The following PCDH11Y variants were observed in gnomAD, a reference collection of about 807,000 sequenced individuals.
The protein encoded by PCDH11Y is protocadherin-11 Y-linked.
For synonymous variants in PCDH11Y, 9 were observed against 83.6 expected, an observed-to-expected ratio of 0.11 and a Z score of 4.87; for missense variants, 12 against 224.8, an observed-to-expected ratio of 0.05 and a Z score of 6.05.
rs1569344322 is a variant in PCDH11Y, at chrY:5,388,241, C to G, written c.3130-112816C>G. Among the ~76,000 whole-genome samples the G allele has an allele frequency of 1.9e-4, 6 of 31,479 alleles. No homozygotes were observed. The East Asian group carries it at 4.3e-3, about 22-fold the overall frequency. 84.5% of individuals were successfully genotyped at this position (31,479 alleles called of 37,273 possible). A position where few individuals can be genotyped will look rare whatever the true frequency, so the allele number is the denominator to read the frequency against. On this transcript the variant is annotated intron_variant, in intron 2 of 4. Transcript: ENST00000400457. ...AAAGTTCAGCTGGAGGTTTCCTTCT[C>G]CCTGTGGTCTTTTCCCAGTTCCTCT...
chrY:5,707,720 T>C, intron 4 of PCDH11Y, among the ~76,000 whole-genome samples: 1 of 30,760 alleles, frequency 3.3e-5, no homozygotes. Context: ...ATTTAGAAAA[T>C]AGCCTCAAAA....
At chrY:5,320,180 C>A in intron 2 of PCDH11Y, among the ~76,000 whole-genome samples, 1 of 33,239 alleles carries the variant, frequency 3.0e-5, no homozygotes, top group Non-Finnish European at 7.4e-5. Context: ...ATAAAAAATT[C>A]TAATTCAGGC....
intron 2 of PCDH11Y, among the ~76,000 whole-genome samples, chrY:5,476,123 A>G: frequency 3.1e-5 from 1 of 32,327 alleles, no homozygotes; most frequent in South Asian, 6.9e-4. Flanking sequence ...TTATGAAAGA[A>G]TATTTTTATT....
At chrY:5,619,138 A>C in intron 4 of PCDH11Y, among the ~76,000 whole-genome samples, 1 of 32,659 alleles carries the variant, frequency 3.1e-5, no homozygotes, top group Non-Finnish European at 7.5e-5. Context: ...AGTTCTGGTC[A>C]CTGTACTGTA....
chrY:5,145,559 G>A, intron 2 of PCDH11Y, among the ~76,000 whole-genome samples: 3 of 32,849 alleles, frequency 9.1e-5, no homozygotes, highest in African/African-American at 3.6e-4. Context: ...AAGAGTGTTT[G>A]TTCCTTAATA....
intron 2 of PCDH11Y, among the ~76,000 whole-genome samples, chrY:5,349,951 G>C: frequency 8.9e-5 from 3 of 33,711 alleles, no homozygotes; most frequent in Admixed American, 8.2e-4. Context: ...AACACAAATG[G>C]GAGAGTTTTG....
chrY:5,378,750 T>C (rs2053201688), intron 2 of PCDH11Y, among the ~76,000 whole-genome samples: 2 of 33,092 alleles, frequency 6.0e-5, no homozygotes, highest in South Asian at 1.3e-3. Context: ...CCAATGCTAA[T>C]TCTAAGGAAA....
intron 4 of PCDH11Y, among the ~76,000 whole-genome samples, chrY:5,667,561 A>C: frequency 3.2e-5 from 1 of 31,473 alleles, no homozygotes. Context: ...CTCCTGGCTA[A>C]TTTTTGTAGT....
At chrY:5,582,839 G>T (rs2053451888) in intron 4 of PCDH11Y, among the ~76,000 whole-genome samples, 1 of 32,671 alleles carries the variant, frequency 3.1e-5, no homozygotes, top group Non-Finnish European at 7.6e-5. Context: ...CAGTTCTAAT[G>T]TCCATGATAC....
intron 2 of PCDH11Y, among the ~76,000 whole-genome samples, chrY:5,345,669 C>CT (rs1387417499): frequency 1.9e-3 from 53 of 27,380 alleles, no homozygotes; most frequent in South Asian, 7.7e-3. Flanking sequence ...TATCTTTTTT[C>CT]TTTTTTTTTT....
intron 2 of PCDH11Y, among the ~76,000 whole-genome samples, chrY:5,162,604 T>C (rs2124644537): frequency 3.0e-5 from 1 of 32,819 alleles, no homozygotes; most frequent in South Asian, 6.8e-4. Context: ...AATGTTATTG[T>C]AATTGTGTTT....
intron 4 of PCDH11Y, among the ~76,000 whole-genome samples, chrY:5,664,408 C>A: frequency 3.1e-5 from 1 of 32,250 alleles, no homozygotes; most frequent in South Asian, 6.9e-4. Context: ...GGCATAAAAA[C>A]TAGGGAGGCA....
chrY:5,429,346 A>G, intron 2 of PCDH11Y, among the ~76,000 whole-genome samples: 1 of 33,478 alleles, frequency 3.0e-5, no homozygotes, highest in Non-Finnish European at 7.4e-5. Context: ...CACATACTCT[A>G]TGTCTTATTA....
intron 2 of PCDH11Y, among the ~76,000 whole-genome samples, chrY:5,264,357 A>G: frequency 3.0e-5 from 1 of 33,319 alleles, no homozygotes; most frequent in Non-Finnish European, 7.5e-5. Flanking sequence ...GGAGTCTTTC[A>G]TCACAGCCAC....
At chrY:5,360,618 G>A in intron 2 of PCDH11Y, among the ~76,000 whole-genome samples, 1 of 32,863 alleles carries the variant, frequency 3.0e-5, no homozygotes, top group Admixed American at 2.9e-4. Flanking sequence ...GTTTTCATTT[G>A]CAAATTACAA....
chrY:5,045,965 G>A (rs1602848345), intron 3 of PCDH11Y, among the ~76,000 whole-genome samples: 388 of 33,166 alleles, frequency 0.012, no homozygotes, highest in African/African-American at 0.043. Flanking sequence ...AGCTCCGTCA[G>A]CTCCTTTAAG....
chrY:5,029,744 G>A, intron 1 of PCDH11Y, among the ~76,000 whole-genome samples: 1 of 28,245 alleles, frequency 3.5e-5, no homozygotes, highest in Non-Finnish European at 8.3e-5. Flanking sequence ...CCAACACGGT[G>A]AAACCCTGTC....
intron 2 of PCDH11Y, among the ~76,000 whole-genome samples, chrY:5,325,653 C>T: frequency 6.0e-4 from 20 of 33,255 alleles, no homozygotes; most frequent in Admixed American, 5.5e-3. Flanking sequence ...TTAAGAGTAG[C>T]GGTTTGGGGA....
chrY:5,428,121 G>A (rs2053265473), intron 2 of PCDH11Y, among the ~76,000 whole-genome samples: 1 of 32,837 alleles, frequency 3.0e-5, no homozygotes, highest in East Asian at 8.1e-4. Context: ...CCATGAATGA[G>A]CTTGCAGGCC....
Sources: gnomAD v4.1 joint callset for allele counts (sites outside exome capture counted in the v4.1 genomes callset) on GRCh38, gnomAD v4.1.1 for gene constraint, MANE v1.5 for transcripts, NCBI Gene and HGNC (gene_info 2026-07-23, HGNC 2026-07-21) for gene names.